Variants in POU2F2 observed in about 807,000 individuals in gnomAD.
The protein encoded by POU2F2 is POU class 2 homeobox 2, also known as POU domain, class 2, transcription factor 2.
In POU2F2, 14 loss-of-function variants were observed where a neutral mutation model predicts 63.5. That is an observed-to-expected ratio of 0.22 (90% CI 0.15 to 0.34). The LOEUF is 0.34. POU2F2 is among the 10% of genes least tolerant of loss of function. POU2F2 has a pLI of 1.00. For synonymous variants in POU2F2, 306 were observed against 348.6 expected, an observed-to-expected ratio of 0.88 and a Z score of 1.36; for missense variants, 607 against 815.2, an observed-to-expected ratio of 0.74 and a Z score of 3.11.
intron 7 of POU2F2, among the ~76,000 whole-genome samples, chr19:42,097,518 AT>A (rs1278184632): frequency 2.0e-5 from 3 of 150,504 alleles, no homozygotes; most frequent in Admixed American, 6.6e-5. Flanking sequence ...TTTGGTATAA[AT>A]TTAAGGACAG....
chr19:42,148,672 A>C (rs2034280694), intron 2 of POU2F2, among the ~76,000 whole-genome samples: 1 of 151,976 alleles, frequency 6.6e-6, no homozygotes, highest in Admixed American at 6.5e-5. Flanking sequence ...ATTCAACCCA[A>C]AGATGTCTGA....
intron 5 of POU2F2, among the ~76,000 whole-genome samples, chr19:42,113,515 T>C (rs1020962762): frequency 1.3e-5 from 2 of 152,264 alleles, no homozygotes; most frequent in African/African-American, 4.8e-5. Context: ...ATCAGAGGGC[T>C]GGAAGGGGGG....
At chr19:42,115,966 C>T (rs1390753646) in intron 5 of POU2F2, among the ~76,000 whole-genome samples, 1 of 152,144 alleles carries the variant, frequency 6.6e-6, no homozygotes, top group Non-Finnish European at 1.5e-5. Context: ...TGGAGTGAGC[C>T]ATCTACTAAG....
upstream of POU2F2, among the ~76,000 whole-genome samples, chr19:42,136,186 C>CTTTTT (rs775409108): frequency 7.7e-6 from 1 of 130,464 alleles, no homozygotes; most frequent in African/African-American, 2.9e-5. Flanking sequence ...CTATGCTTTC[C>CTTTTT]TTTTTTTTTT....
chr19:42,106,012 TTTCTTTCTTTC>T (rs1306533997), intron 5 of POU2F2, among the ~76,000 whole-genome samples: 1 of 142,706 alleles, frequency 7.0e-6, no homozygotes, highest in Non-Finnish European at 1.5e-5. Flanking sequence ...TCTTTCTTTC[TTTCTTTCTTTC>T]TTTCTTTCTT....
chr19:42,100,863 G>A lies in POU2F2; in HGVS notation c.370-1042C>T, dbSNP rs140561427. Among the ~76,000 whole-genome samples the A allele has an allele frequency of 5.8e-3, 883 of 152,242 alleles. 3 individuals carry two copies. Among genetic ancestry groups the A allele is most frequent in the Non-Finnish European group, 8.6e-3 (583 of 68,010 alleles). ...ACCTGTAATCCCAGCAATTTGGGAG[G>A]CCGAGCCAGGCGGATCACGAGGTCA... On this transcript the variant is annotated intron_variant, in intron 5 of 14. Coordinates refer to ENST00000692977, the MANE Select transcript of POU2F2 (RefSeq NM_001394376.1).
At position 42,091,299 on chromosome 19, in the gene POU2F2, A is replaced by AG; in HGVS notation, c.1832dup (p.Gly612TrpfsTer13). On this transcript the variant is annotated frameshift_variant, in exon 15 of 15. Transcript: ENST00000692977. LOFTEE classifies it high-confidence loss of function. ...CTGCCTCGGGCCCCCCTGGACCTCC[A>AG]GGGGTCTGTGCTGCCGTCTCGCTGC... The AG allele has an allele frequency of 6.5e-7, 1 of 1,533,216 alleles. No homozygotes were observed. The highest frequency in any genetic ancestry group is 1.2e-5 in the South Asian group (1 of 83,922). 95.0% of individuals were successfully genotyped at this position (1,533,216 alleles called of 1,614,324 possible). A position where few individuals can be genotyped will look rare whatever the true frequency, so the allele number is the denominator to read the frequency against.
Position 42,122,360 on chromosome 19 carries a change from G to T in POU2F2, c.113C>A (p.Pro38Gln), listed in dbSNP as rs546108241. ...SEHTDTERNG[P>Q]DTNHQNPQNK... ...CCTCCTAACCTGATGATTAGTGTCT[G>T]GTCCATTTCTTTCGGTGTCTGCAAA... The change falls in exon 3 of 15, where the codon CCA becomes CAA. Residue 38 changes from proline to glutamine, a missense_variant. By Grantham distance (76) the Pro-to-Gln change is moderately conservative. Coordinates refer to ENST00000692977, the MANE Select transcript of POU2F2 (RefSeq NM_001394376.1). 1 of 1,594,124 alleles carries T rather than the reference G, an allele frequency of 6.3e-7. No homozygotes were observed. Among genetic ancestry groups the T allele is most frequent in the South Asian group, 1.1e-5 (1 of 90,678 alleles).
chr19:42,151,743 C>A (rs1268897584), intron 2 of POU2F2, among the ~76,000 whole-genome samples: 1 of 152,172 alleles, frequency 6.6e-6, no homozygotes, highest in African/African-American at 2.4e-5. Context: ...TCCTGCCCTC[C>A]CCCACCCAGG....
Position 42,153,092 on chromosome 19 carries a change from G to A in POU2F2, c.-9+7240C>T, listed in dbSNP as rs935335153. Among the ~76,000 whole-genome samples, 1 of 152,220 alleles carries A rather than the reference G, an allele frequency of 6.6e-6. No homozygotes were observed. Among genetic ancestry groups the A allele is most frequent in the African/African-American group, 2.4e-5 (1 of 41,444 alleles). ...GAAGTTGCCTTGGCCTCACCCCAGG[G>A]TCTGGCCTGCACATGTGTGGTTGGG... is the stretch of plus-strand genomic sequence containing the variant. On this transcript the variant is annotated intron_variant, in intron 2 of 6. Transcript: ENST00000524801. The surrounding 1 kb of genome is among the most constrained non-coding windows in gnomAD (Gnocchi z 5.6).
At chr19:42,165,376 C>T (rs1453467470) in intron 1 of POU2F2, among the ~76,000 whole-genome samples, 1 of 152,172 alleles carries the variant, frequency 6.6e-6, no homozygotes, top group Non-Finnish European at 1.5e-5. Flanking sequence ...GGCTTACAGA[C>T]AGGAGGAACT....
intron 5 of POU2F2, among the ~76,000 whole-genome samples, chr19:42,102,533 G>C (rs1165825712): frequency 6.6e-6 from 1 of 151,912 alleles, no homozygotes. Flanking sequence ...GAGGCAGGAG[G>C]ACTGCTTGAG....
intron 1 of POU2F2, among the ~76,000 whole-genome samples, chr19:42,185,633 C>G (rs762203549): frequency 6.6e-6 from 1 of 152,178 alleles, no homozygotes; most frequent in Non-Finnish European, 1.5e-5. Flanking sequence ...GTCCCCCTGG[C>G]TAACTTCTAT....
chr19:42,134,491 G>C (rs2033954073), upstream of POU2F2: 1 of 152,452 alleles, frequency 6.6e-6, no homozygotes, highest in Non-Finnish European at 1.5e-5. Flanking sequence ...GGCCTGGTGA[G>C]GGGATCTTGA....
At chr19:42,138,799 G>A (rs1419615838) in intron 2 of POU2F2, among the ~76,000 whole-genome samples, 1 of 152,164 alleles carries the variant, frequency 6.6e-6, no homozygotes, top group Non-Finnish European at 1.5e-5. Flanking sequence ...AAGGGAAGCA[G>A]GGGGAAGACA....
At chr19:42,160,753 T>G (rs764765634) in intron 1 of POU2F2, among the ~76,000 whole-genome samples, 18 of 152,214 alleles carry the variant, frequency 1.2e-4, no homozygotes, top group Non-Finnish European at 2.2e-4. Context: ...GCTCAATTAG[T>G]GCATAACGGA....
chr19:42,095,656 G>C lies in POU2F2; in HGVS notation c.909C>G (p.Asn303Lys). The change falls in exon 10 of 15, where the codon AAC becomes AAG. Residue 303 changes from asparagine (N) to lysine (K), a missense_variant. By Grantham distance (94) the Asn-to-Lys change is moderately conservative. Transcript: ENST00000692977. The surrounding 1 kb of genome is among the most constrained non-coding windows in gnomAD (Gnocchi z 7.1). The part of the protein sequence containing the change: ...MSVDSSLPSP[N>K]QLSSPSLGFD... ...AACCCAGGCTGGGGCTGCTCAGCTG[G>C]TTGGGGCTGGGCAGGCTTGAGTCCA... The C allele has an allele frequency of 6.2e-7, 1 of 1,612,868 alleles. No homozygotes were observed. Among genetic ancestry groups the C allele is most frequent in the Non-Finnish European group, 8.5e-7 (1 of 1,179,842 alleles).
chr19:42,156,778 C>T lies in POU2F2; in HGVS notation c.-9+3554G>A, dbSNP rs574084444. On this transcript the variant is annotated intron_variant, in intron 2 of 6. Coordinates refer to the POU2F2 transcript ENST00000524801. The surrounding 1 kb of genome is among the most constrained non-coding windows in gnomAD (Gnocchi z 4.1). ...CAGGGCAGCCCCCCCGCCATACCTA[C>T]ACTCTTGGCCATGGGAGAATGTCCT... 1 of 152,418 alleles carries T rather than the reference C, an allele frequency of 6.6e-6. No individual in the cohort carries two copies. Among genetic ancestry groups the T allele is most frequent in the East Asian group, 1.9e-4 (1 of 5,176 alleles). The allele number at this position is 152,418 out of a possible 1,614,324, so 9.4% of individuals were successfully genotyped here.
chr19:42,150,002 C>T (rs1441655667), intron 2 of POU2F2, among the ~76,000 whole-genome samples: 1 of 152,208 alleles, frequency 6.6e-6, no homozygotes, highest in African/African-American at 2.4e-5. Context: ...GTGCTGTAAC[C>T]AGGGGCAGAG....
Sources: allele counts gnomAD v4.1 joint callset (sites outside exome capture counted in the v4.1 genomes callset), GRCh38; gene constraint gnomAD v4.1.1; non-coding constraint Gnocchi (gnomAD v3.1); transcripts MANE v1.5; gene names NCBI Gene and HGNC (gene_info 2026-07-23, HGNC 2026-07-21).